ST3GAL5: variants seen among roughly 807,000 people sequenced by gnomAD.
The protein encoded by ST3GAL5 is ST3 beta-galactoside alpha-2,3-sialyltransferase 5.
ST3GAL5 carries 25 observed loss-of-function variants against 46.1 expected under a neutral mutation model. The observed-to-expected ratio is 0.54, with a 90% CI of 0.40 to 0.76. The LOEUF is 0.76. Ranked by LOEUF, ST3GAL5 falls within the 30% of genes least tolerant of loss-of-function variation. ST3GAL5 has a pLI of 0.00. For missense variants in ST3GAL5, 431 were observed against 521.2 expected (o/e 0.83, Z 1.69); for synonymous variants, 182 against 192.7 (o/e 0.94, Z 0.46).
intron 1 of ST3GAL5, chr2:85,887,830 C>T (rs917197374): frequency 6.6e-6 from 1 of 152,252 alleles, no homozygotes; most frequent in Admixed American, 6.5e-5. Context: ...AGATGAGTCT[C>T]CTTCCTCTCT....
At chr2:85,872,142 G>A (rs1293566447) in intron 1 of ST3GAL5, among the ~76,000 whole-genome samples, 3 of 152,112 alleles carry the variant, frequency 2.0e-5, no homozygotes, top group African/African-American at 2.4e-5. Context: ...GAAGGAATGG[G>A]GACAGAGGTC....
At chr2:85,861,391 T>A (rs769639119) in intron 2 of ST3GAL5, 99 bp from the exon 3 acceptor site, 1 of 798,736 alleles carries the variant, frequency 1.3e-6, no homozygotes, top group Non-Finnish European at 2.2e-6. Flanking sequence ...CTGCCTGCTA[T>A]GCAGCATAAA....
At position 85,840,389 on chromosome 2, in the gene ST3GAL5, C is replaced by T. The variant is rs758368552; in HGVS notation, c.1012G>A (p.Val338Ile). The change falls in exon 7 of 7, where the codon GTC becomes ATC. Residue 338 changes from valine to isoleucine, a missense_variant. Coordinates refer to ENST00000638572, the MANE Select transcript of ST3GAL5 (RefSeq NM_003896.4). The stretch of plus-strand genomic sequence containing the variant: ...ACGGCAATGACACCGATTGTGGGGA[C>T]GTTCTGAGAAAGGGAAAAGAAGACC... ...QSRFWGRDKN[V>I]PTIGVIAVVL... is the part of the protein sequence containing the mutation. The T allele has an allele frequency of 1.9e-5, 31 of 1,613,772 alleles. No homozygotes were observed. The Admixed American group carries it at 2.2e-4, about 11-fold the overall frequency.
intron 1 of ST3GAL5, among the ~76,000 whole-genome samples, chr2:85,864,724 T>C: frequency 6.6e-6 from 1 of 152,198 alleles, no homozygotes; most frequent in South Asian, 2.1e-4. Context: ...AATAGTACTG[T>C]AGTAGGGATT....
At position 85,888,930 on chromosome 2, in the gene ST3GAL5, C is replaced by A. The variant is rs1688082676; in HGVS notation, c.-25G>T. 7.5e-7 allele frequency: 1 copy of A among 1,333,548 alleles called. No homozygotes were observed. Among genetic ancestry groups the A allele is most frequent in the Non-Finnish European group, 9.6e-7 (1 of 1,037,096 alleles). 82.6% of individuals were successfully genotyped at this position (1,333,548 alleles called of 1,614,324 possible). A position where few individuals can be genotyped will look rare whatever the true frequency, so the allele number is the denominator to read the frequency against. ...TACTAATGAGGGGGCGCCGGCCGGC[C>A]GCCAGCCCGGTACCCCGCGCCCCCA... On this transcript the variant is annotated 5_prime_UTR_variant, in exon 1 of 7. Coordinates refer to ENST00000638572, the MANE Select transcript of ST3GAL5 (RefSeq NM_003896.4).
intron 6 of ST3GAL5, among the ~76,000 whole-genome samples, chr2:85,842,830 C>T (rs894597199): frequency 1.3e-4 from 19 of 150,840 alleles, no homozygotes; most frequent in Admixed American, 9.3e-4. Context: ...GGGGCGATCT[C>T]GGCTCATTGC....
chr2:85,859,891 G>A (rs920052146), intron 3 of ST3GAL5, among the ~76,000 whole-genome samples: 5 of 152,154 alleles, frequency 3.3e-5, no homozygotes, highest in African/African-American at 1.2e-4. Context: ...TTTGAATTGG[G>A]TAAAACATTT....
chr2:85,874,624 C>A (rs1397300881), intron 1 of ST3GAL5, among the ~76,000 whole-genome samples: 1 of 152,064 alleles, frequency 6.6e-6, no homozygotes, highest in Admixed American at 6.6e-5. Context: ...GCCACTGATA[C>A]ATATTTGCCT....
chr2:85,849,654 AAAACGCAACCTTGG>A (rs1683250204), intron 3 of ST3GAL5: 1 of 152,270 alleles, frequency 6.6e-6, no homozygotes, highest in South Asian at 2.1e-4. Context: ...CCAAAAAACA[AAAACGCAACCTTGG>A]AGGAATATGG....
intron 3 of ST3GAL5, chr2:85,848,839 GT>G (rs1047409176): frequency 1.8e-3 from 275 of 156,062 alleles, no homozygotes; most frequent in African/African-American, 4.1e-3. Context: ...TAAATTTTAT[GT>G]TTTTTTTAAC....
Position 85,848,441 on chromosome 2 carries a change from C to G in ST3GAL5, c.319-237G>C, listed in dbSNP as rs115173488. 18,995 of 1,491,936 alleles carry G rather than the reference C, an allele frequency of 0.013. 142 individuals are homozygous for G. The highest frequency in any genetic ancestry group is 0.015 in the Non-Finnish European group (17,114 of 1,108,600). 92.4% of individuals were successfully genotyped at this position (1,491,936 alleles called of 1,614,324 possible). Reference sequence around the variant, plus strand: ...CAGGGTATTCATTTCATTGCACAGGCAAAGCAAGAAGGACTCCCGCCTCCC... The same window carrying G: ...CAGGGTATTCATTTCATTGCACAGGGAAAGCAAGAAGGACTCCCGCCTCCC... On this transcript the variant is annotated intron_variant, in intron 3 of 6. Transcript: ENST00000638572.
chr2:85,842,178 A>T (rs1682200169), intron 6 of ST3GAL5, among the ~76,000 whole-genome samples: 1 of 152,168 alleles, frequency 6.6e-6, no homozygotes, highest in Non-Finnish European at 1.5e-5. Flanking sequence ...TCACCTGTTA[A>T]AAAGGAACTC....
In ST3GAL5 at chr2:85,840,030, T is replaced by C. The variant is rs1681822349; in HGVS notation, c.*114A>G. 2.0e-6 allele frequency: 3 copies of C among 1,511,262 alleles called. No homozygotes were observed. The highest frequency in any genetic ancestry group is 1.4e-5 in the African/African-American group (1 of 71,716). The allele number at this position is 1,511,262 out of a possible 1,614,324, so 93.6% of individuals were successfully genotyped here. ...TTTTTTTGTGTTTTTAAATTAAAAGTTAAAAACATGAGCTGCACTTCAAAG... is the reference window on the plus strand; with the variant it reads ...TTTTTTTGTGTTTTTAAATTAAAAGCTAAAAACATGAGCTGCACTTCAAAG... On this transcript the variant is annotated 3_prime_UTR_variant, in exon 7 of 7. Transcript: ENST00000638572.
chr2:85,872,436 A>G (rs1212647861), intron 1 of ST3GAL5, among the ~76,000 whole-genome samples: 1 of 152,146 alleles, frequency 6.6e-6, no homozygotes, highest in Non-Finnish European at 1.5e-5. Context: ...TACAAAAATT[A>G]GCTGGGCATG....
intron 1 of ST3GAL5, among the ~76,000 whole-genome samples, chr2:85,864,147 T>G (rs1685032434): frequency 1.3e-5 from 2 of 152,206 alleles, no homozygotes; most frequent in Non-Finnish European, 2.9e-5. Flanking sequence ...ATGGAGATGT[T>G]CTACATCTTG....
chr2:85,859,508 G>A (rs1684501532), intron 3 of ST3GAL5, among the ~76,000 whole-genome samples: 1 of 152,134 alleles, frequency 6.6e-6, no homozygotes, highest in South Asian at 2.1e-4. Context: ...CATCCTACTC[G>A]ACCAAAGCAG....
At chr2:85,861,034 G>C in intron 3 of ST3GAL5, 147 bp downstream of exon 3, 1 of 674,616 alleles carries the variant, frequency 1.5e-6, no homozygotes, top group South Asian at 1.6e-5. Flanking sequence ...GTTGTCTTTG[G>C]TTTTGGAGTG....
At chr2:85,870,434 TC>T (rs1419438849) in intron 1 of ST3GAL5, among the ~76,000 whole-genome samples, 1 of 152,208 alleles carries the variant, frequency 6.6e-6, no homozygotes, top group African/African-American at 2.4e-5. Flanking sequence ...CTCCTCGTTC[TC>T]CTTTTTCATC....
rs779019760 is a variant in ST3GAL5 at position 85,844,414 on chromosome 2, C to T, written c.990G>A (p.Arg330=). 1.9e-6 allele frequency: 3 copies of T among 1,614,196 alleles called. No individual in the cohort carries two copies. Among genetic ancestry groups the T allele is most frequent in the African/African-American group, 1.3e-5 (1 of 75,052 alleles). ...AAAATACCTTATCTCGGCCCCAGAA[C>T]CTTGACTGAGGCTCTGAGTACTGAA... ...DILQYSEPQS[R]FWGRDKNVPT... Residue 330 remains arginine (R), a synonymous_variant, in exon 6 of 7, where the codon AGG becomes AGA. Coordinates refer to ENST00000638572, the MANE Select transcript of ST3GAL5 (RefSeq NM_003896.4).
Sources: allele counts gnomAD v4.1 joint callset (sites outside exome capture counted in the v4.1 genomes callset), GRCh38; gene constraint gnomAD v4.1.1; transcripts MANE v1.5; gene names NCBI Gene and HGNC (gene_info 2026-07-23, HGNC 2026-07-21).